The following ZNF827 variants were observed in gnomAD, a reference collection of about 807,000 sequenced individuals.
ZNF827 encodes the protein zinc finger protein 827.
In ZNF827, 13 loss-of-function variants were observed where a neutral mutation model predicts 102.4. The ratio of observed to expected loss-of-function variants is 0.13; its 90% CI spans 0.08 to 0.20. The LOEUF (loss-of-function observed/expected upper bound fraction) is 0.20. ZNF827 is among the 10% of genes least tolerant of loss of function. The pLI is 1.00. For synonymous variants in ZNF827, 523 were observed against 536.2 expected (o/e 0.98, Z 0.34); for missense variants, 1,103 against 1,344.4 (o/e 0.82, Z 2.81).
At chr4:145,827,939 G>A (rs985778505) in intron 7 of ZNF827, among the ~76,000 whole-genome samples, 2 of 152,140 alleles carry the variant, frequency 1.3e-5, no homozygotes, top group Admixed American at 6.5e-5. Context: ...AAGCACATCC[G>A]TTCTCAGGTG....
At chr4:145,876,953 A>G (rs1264446642) in intron 4 of ZNF827, 1 of 152,210 alleles carries the variant, frequency 6.6e-6, no homozygotes, top group Non-Finnish European at 1.5e-5. Flanking sequence ...AGCAAAATAA[A>G]TTTAGAAATA....
rs182377392 is a variant in ZNF827, at chr4:145,856,285, G to A, written c.1982-6724C>T. Among the ~76,000 whole-genome samples the A allele has an allele frequency of 2.6e-5, 4 of 152,284 alleles. No homozygotes were observed. In the East Asian group the frequency reaches 7.7e-4, roughly 29 times the overall value. ...GCTGGGATTACAGGCATGAGCCACC[G>A]TGTCTCCAGCCAAGACAAGTTTTAT... On this transcript the variant is annotated intron_variant, in intron 5 of 14. Coordinates refer to ENST00000508784, the MANE Select transcript of ZNF827 (RefSeq NM_001306215.2).
At chr4:145,808,137 CA>C (rs141134449) in intron 8 of ZNF827, among the ~76,000 whole-genome samples, 28 of 144,268 alleles carry the variant, frequency 1.9e-4, no homozygotes, top group African/African-American at 5.1e-4. Flanking sequence ...AATTAGTGAG[CA>C]AAAAAAAAAT....
At chr4:145,922,990 T>C (rs1174018362) in intron 1 of ZNF827, among the ~76,000 whole-genome samples, 5 of 152,214 alleles carry the variant, frequency 3.3e-5, no homozygotes, top group African/African-American at 1.2e-4. Context: ...TTAATATTTT[T>C]TTTATATTTT....
chr4:145,837,334 TAC>T (rs879554085), intron 7 of ZNF827, among the ~76,000 whole-genome samples: 11 of 152,172 alleles, frequency 7.2e-5, no homozygotes, highest in Non-Finnish European at 1.5e-4. Flanking sequence ...ACAATACTTT[TAC>T]CACTTTCCCT....
intron 8 of ZNF827, among the ~76,000 whole-genome samples, chr4:145,794,693 C>T (rs893969972): frequency 1.3e-5 from 2 of 151,916 alleles, no homozygotes; most frequent in Non-Finnish European, 2.9e-5. Flanking sequence ...GGGCGAGACC[C>T]TGTCTCAGAA....
intron 4 of ZNF827, among the ~76,000 whole-genome samples, chr4:145,874,560 C>T (rs560085895): frequency 1.7e-4 from 26 of 152,292 alleles, no homozygotes; most frequent in Non-Finnish European, 3.2e-4. Flanking sequence ...AATTATCCCA[C>T]TTTACAAAAA....
intron 8 of ZNF827, among the ~76,000 whole-genome samples, chr4:145,798,629 T>G (rs1740600300): frequency 6.6e-6 from 1 of 152,158 alleles, no homozygotes; most frequent in Non-Finnish European, 1.5e-5. Context: ...ATCATGCCAT[T>G]GCACTCCAGC....
At chr4:145,808,194 T>C (rs1741672827) in intron 8 of ZNF827, among the ~76,000 whole-genome samples, 1 of 152,014 alleles carries the variant, frequency 6.6e-6, no homozygotes, top group South Asian at 2.1e-4. Flanking sequence ...TGCCACAAAA[T>C]GGTTACCTAC....
intron 1 of ZNF827, among the ~76,000 whole-genome samples, chr4:145,919,135 T>C (rs1007344747): frequency 6.6e-6 from 1 of 152,110 alleles, no homozygotes; most frequent in African/African-American, 2.4e-5. Context: ...CATACTCTAG[T>C]ACCAGCTACT....
At chr4:145,850,062 T>C (rs1579369752) in intron 5 of ZNF827, among the ~76,000 whole-genome samples, 1 of 151,650 alleles carries the variant, frequency 6.6e-6, no homozygotes, top group African/African-American at 2.4e-5. Context: ...CAGGCTGGAG[T>C]GCAATGGTGC....
chr4:145,779,173 T>G (rs1282134249), intron 9 of ZNF827, among the ~76,000 whole-genome samples: 3 of 152,266 alleles, frequency 2.0e-5, no homozygotes, highest in African/African-American at 7.2e-5. Context: ...CGGTCCTACC[T>G]GGAACTCAAT....
intron 1 of ZNF827, chr4:145,907,235 T>C (rs1353175511): frequency 2.2e-6 from 1 of 456,096 alleles, no homozygotes; most frequent in Non-Finnish European, 4.4e-6. Flanking sequence ...TGGGCTCCTC[T>C]ATTTTCATGT....
chr4:145,779,546 G>A lies in ZNF827; in HGVS notation c.2384-35C>T. ...AAGAACAAAGCATCATGAGAAATAA[G>A]GCAACAAGAATACATTTTCTGTTAG... is the stretch of plus-strand genomic sequence containing the variant. On this transcript the variant is annotated intron_variant, in intron 8 of 14. Coordinates refer to ENST00000508784, the MANE Select transcript of ZNF827 (RefSeq NM_001306215.2). 5.0e-6 allele frequency: 8 copies of A among 1,603,998 alleles called. 1 individual carries two copies. In the South Asian group the frequency reaches 9.0e-5, roughly 18 times the overall value.
chr4:145,774,410 G>T, intron 11 of ZNF827, 96 bp downstream of exon 11: 1 of 1,362,048 alleles, frequency 7.3e-7, no homozygotes, highest in Non-Finnish European at 1.0e-6. Flanking sequence ...AAAGGGCAAT[G>T]TCTCAGGGCA....
Position 145,809,582 on chromosome 4 carries a change from C to T in ZNF827, c.2383+13840G>A, listed in dbSNP as rs181805008. On this transcript the variant is annotated intron_variant, in intron 8 of 14. Transcript: ENST00000508784. ...ATAATCCCTTACTGCTCAGGAGTCACGTGGCCAGAGGTCACAAGATGTGTC... is the reference window on the plus strand; with the variant it reads ...ATAATCCCTTACTGCTCAGGAGTCATGTGGCCAGAGGTCACAAGATGTGTC... Among the ~76,000 whole-genome samples the T allele has an allele frequency of 2.0e-5, 3 of 152,306 alleles. No individual in the cohort carries two copies. In the East Asian group the frequency reaches 5.8e-4, roughly 29 times the overall value.
At chr4:145,883,988 A>G (rs1200356257) in intron 4 of ZNF827, among the ~76,000 whole-genome samples, 1 of 152,214 alleles carries the variant, frequency 6.6e-6, no homozygotes, top group Non-Finnish European at 1.5e-5. Context: ...AAATTTTTAA[A>G]TATAAAACTC....
intron 5 of ZNF827, among the ~76,000 whole-genome samples, chr4:145,859,371 G>T (rs6812427): frequency 0.045 from 6,899 of 152,156 alleles, 383 homozygotes; most frequent in East Asian, 0.16. Flanking sequence ...AAGATAGGAG[G>T]AGTAATATAG....
At chr4:145,897,235 A>AT (rs563005725) in intron 2 of ZNF827, among the ~76,000 whole-genome samples, 137 of 152,274 alleles carry the variant, frequency 9.0e-4, no homozygotes, top group Middle Eastern at 3.4e-3. Flanking sequence ...CTAAAAAAAA[A>AT]TTTTTTTAAA....
Sources: gnomAD v4.1 joint callset for allele counts (sites outside exome capture counted in the v4.1 genomes callset) on GRCh38, gnomAD v4.1.1 for gene constraint, MANE v1.5 for transcripts, NCBI Gene and HGNC (gene_info 2026-07-23, HGNC 2026-07-21) for gene names.